Variants in BACH2 observed in about 807,000 individuals in gnomAD.
The protein encoded by BACH2 is transcription regulator protein BACH2.
Under a neutral mutation model 61.8 loss-of-function variants are expected in BACH2, and 5 were observed. The observed-to-expected ratio is 0.08, with a 90% confidence interval of 0.04 to 0.17. The LOEUF (loss-of-function observed/expected upper bound fraction) is 0.17, where lower values mean the gene tolerates loss of function less well. Ranked by LOEUF, BACH2 falls within the 10% of genes least tolerant of loss-of-function variation. BACH2 has a pLI of 1.00. For synonymous variants in BACH2, 446 were observed against 440.1 expected, an observed-to-expected ratio of 1.01 and a Z score of -0.17; for missense variants, 824 against 1,091.1, an observed-to-expected ratio of 0.76 and a Z score of 3.45.
chr6:90,161,065 C>G (rs568375263), intron 4 of BACH2, among the ~76,000 whole-genome samples: 1 of 131,976 alleles, frequency 7.6e-6, no homozygotes. Flanking sequence ...TCCAGCCTGG[C>G]GACAGAGCGA....
At chr6:89,944,307 C>T (rs182786981) in intron 7 of BACH2, among the ~76,000 whole-genome samples, 43 of 152,242 alleles carry the variant, frequency 2.8e-4, no homozygotes, top group Non-Finnish European at 4.7e-4. Context: ...AAAGTTTCAA[C>T]TGCCTGATAG....
intron 7 of BACH2, among the ~76,000 whole-genome samples, chr6:89,939,398 T>C (rs778965017): frequency 1.3e-5 from 2 of 152,248 alleles, no homozygotes; most frequent in Non-Finnish European, 2.9e-5. Context: ...CCTGAATTCC[T>C]GACTCACATT....
At chr6:90,217,733 G>T (rs1356069089) in intron 3 of BACH2, among the ~76,000 whole-genome samples, 2 of 152,152 alleles carry the variant, frequency 1.3e-5, no homozygotes, top group Non-Finnish European at 2.9e-5. Context: ...TTTCATGAAT[G>T]AGCGGGAGAC....
intron 3 of BACH2, among the ~76,000 whole-genome samples, chr6:90,242,548 C>T (rs918360509): frequency 1.3e-5 from 2 of 152,136 alleles, no homozygotes; most frequent in Non-Finnish European, 2.9e-5. Flanking sequence ...TATCAAGATT[C>T]GCATGCAGGT....
At chr6:89,974,863 G>A (rs577950833) in intron 6 of BACH2, among the ~76,000 whole-genome samples, 4 of 152,274 alleles carry the variant, frequency 2.6e-5, no homozygotes, top group African/African-American at 4.8e-5. Context: ...AAGTAGACAC[G>A]TATGTATCTT....
At chr6:90,038,864 C>A (rs1363776052) in intron 5 of BACH2, among the ~76,000 whole-genome samples, 1 of 150,210 alleles carries the variant, frequency 6.7e-6, no homozygotes, top group Non-Finnish European at 1.5e-5. Flanking sequence ...TGGTGAAACC[C>A]TGTCTCTCTA....
At chr6:90,109,538 A>G (rs939332616) in intron 4 of BACH2, among the ~76,000 whole-genome samples, 4 of 152,122 alleles carry the variant, frequency 2.6e-5, no homozygotes, top group Admixed American at 2.0e-4. Context: ...CAAATTTATT[A>G]TATGTTGCCC....
At chr6:90,284,681 G>A (rs1318231116) in intron 1 of BACH2, among the ~76,000 whole-genome samples, 2 of 151,832 alleles carry the variant, frequency 1.3e-5, no homozygotes, top group Non-Finnish European at 2.9e-5. Context: ...AAACAACAGG[G>A]GGATCATCAT....
intron 6 of BACH2, among the ~76,000 whole-genome samples, chr6:89,975,677 T>C (rs891362817): frequency 6.6e-6 from 1 of 152,232 alleles, no homozygotes; most frequent in African/African-American, 2.4e-5. Flanking sequence ...AGAGTTTACA[T>C]CATTTCTTGG....
At chr6:90,039,392 CT>C (rs551268944) in intron 5 of BACH2, among the ~76,000 whole-genome samples, 5 of 149,522 alleles carry the variant, frequency 3.3e-5, no homozygotes, top group East Asian at 3.9e-4. Context: ...TACAAGAGTA[CT>C]TTTTTTTTTG....
intron 5 of BACH2, among the ~76,000 whole-genome samples, chr6:90,013,844 C>T (rs1777867966): frequency 6.6e-6 from 1 of 151,664 alleles, no homozygotes; most frequent in South Asian, 2.1e-4. Context: ...TTCAGTGGCA[C>T]TCATGGCTCA....
At chr6:89,955,494 T>C (rs991098175) in intron 6 of BACH2, among the ~76,000 whole-genome samples, 2 of 152,162 alleles carry the variant, frequency 1.3e-5, no homozygotes, top group Non-Finnish European at 2.9e-5. Flanking sequence ...GCCTTGAGTG[T>C]CTGCTCTAGG....
At chr6:90,295,614 T>C (rs1772322372) in intron 1 of BACH2, among the ~76,000 whole-genome samples, 1 of 151,706 alleles carries the variant, frequency 6.6e-6, no homozygotes, top group Admixed American at 6.6e-5. Flanking sequence ...TAAACCAGTC[T>C]CCTGGGTGAA....
intron 5 of BACH2, among the ~76,000 whole-genome samples, chr6:90,045,389 T>C (rs1252673939): frequency 1.3e-5 from 2 of 152,134 alleles, no homozygotes; most frequent in Non-Finnish European, 2.9e-5. Flanking sequence ...CTGGAACCCA[T>C]GAGAGTGAGT....
At chr6:90,224,849 G>C (rs1444938853) in intron 3 of BACH2, among the ~76,000 whole-genome samples, 2 of 152,100 alleles carry the variant, frequency 1.3e-5, no homozygotes, top group Non-Finnish European at 2.9e-5. Flanking sequence ...CTTCAGCCCA[G>C]GGCAGAAACC....
chr6:89,999,448 C>CTT (rs59177752), intron 6 of BACH2, among the ~76,000 whole-genome samples: 3,697 of 141,760 alleles, frequency 0.026, 154 homozygotes, highest in African/African-American at 0.085. Flanking sequence ...TTTGTCACAC[C>CTT]TTTTTTTTTT....
At chr6:90,131,051 ACTTTC>A (rs1451859452) in intron 4 of BACH2, among the ~76,000 whole-genome samples, 1 of 152,172 alleles carries the variant, frequency 6.6e-6, no homozygotes, top group Non-Finnish European at 1.5e-5. Flanking sequence ...CGGAAGATTG[ACTTTC>A]ACATCAGTAT....
chr6:89,938,717 TAGGGAGATACC>T (rs1483409144), intron 7 of BACH2, among the ~76,000 whole-genome samples: 2 of 152,178 alleles, frequency 1.3e-5, no homozygotes, highest in African/African-American at 4.8e-5. Flanking sequence ...TGACAAGTTA[TAGGGAGATACC>T]ACATAAGGAC....
chr6:90,208,389 A>G (rs1699058075), intron 3 of BACH2, among the ~76,000 whole-genome samples: 1 of 152,226 alleles, frequency 6.6e-6, no homozygotes, highest in South Asian at 2.1e-4. Flanking sequence ...AAAAGTGGGC[A>G]AAGGATATAG....
Sources: gnomAD v4.1 joint callset for allele counts (sites outside exome capture counted in the v4.1 genomes callset) on GRCh38, gnomAD v4.1.1 for gene constraint, MANE v1.5 for transcripts, NCBI Gene and HGNC (gene_info 2026-07-23, HGNC 2026-07-21) for gene names.